SYT9: variants seen among roughly 807,000 people sequenced by gnomAD.
The protein encoded by SYT9 is synaptotagmin 9, also known as synaptotagmin-9.
Under a neutral mutation model 48.4 loss-of-function variants are expected in SYT9, and 22 were observed. That is an observed-to-expected ratio of 0.45 (90% CI 0.32 to 0.65). The LOEUF (loss-of-function observed/expected upper bound fraction) is 0.65, where lower values mean the gene tolerates loss of function less well. SYT9 is among the 30% of genes least tolerant of loss of function. The probability of loss-of-function intolerance (pLI) is 0.03; values close to 1 mark genes in which losing one functional copy is unlikely to be tolerated. For missense variants in SYT9, 577 were observed against 622.0 expected, an observed-to-expected ratio of 0.93 and a Z score of 0.77; for synonymous variants, 265 against 245.0, an observed-to-expected ratio of 1.08 and a Z score of -0.76.
At chr11:7,286,862 C>T (rs1848604889) in intron 1 of SYT9, among the ~76,000 whole-genome samples, 1 of 152,202 alleles carries the variant, frequency 6.6e-6, no homozygotes, top group Non-Finnish European at 1.5e-5. Context: ...GTCCACATCA[C>T]TATCAGCATT....
chr11:7,267,151 G>A (rs1350731874), intron 1 of SYT9, among the ~76,000 whole-genome samples: 1 of 151,930 alleles, frequency 6.6e-6, no homozygotes, highest in Non-Finnish European at 1.5e-5. Flanking sequence ...CATTAATGAA[G>A]CAATATGTGA....
intron 3 of SYT9, chr11:7,314,145 A>C: frequency 1.4e-6 from 1 of 708,958 alleles, no homozygotes; most frequent in Non-Finnish European, 2.5e-6. Context: ...TTCCATGAAA[A>C]CAATATTAAA....
intron 6 of SYT9, among the ~76,000 whole-genome samples, chr11:7,432,031 G>T (rs1298649031): frequency 2.6e-5 from 4 of 152,206 alleles, no homozygotes; most frequent in Non-Finnish European, 1.5e-5. Flanking sequence ...CTATGAGAAG[G>T]GGGCCACCAG....
intron 3 of SYT9, among the ~76,000 whole-genome samples, chr11:7,389,238 T>G (rs11041341): frequency 0.49 from 73,945 of 151,924 alleles, 18,856 homozygotes; most frequent in African/African-American, 0.55. Flanking sequence ...AGTGAATTAT[T>G]GAACCTGAGG....
At position 7,313,533 on chromosome 11, in the gene SYT9, C is replaced by T. The variant is rs548666564; in HGVS notation, c.636C>T (p.Asp212=). Residue 212 remains aspartate (D), a synonymous_variant, in exon 3 of 7, where the codon GAC becomes GAT. Coordinates refer to ENST00000318881, the MANE Select transcript of SYT9 (RefSeq NM_175733.4). Reference sequence around the variant, plus strand: ...AGCAGAGGTCATTGGATAATGATGACGGGAGACGGAGTAACAGCAAGGCTT... The same window carrying T: ...AGCAGAGGTCATTGGATAATGATGATGGGAGACGGAGTAACAGCAAGGCTT... ...LYKQRSLDND[D]GRRSNSKACG... The T allele has an allele frequency of 3.6e-5, 58 of 1,614,064 alleles. 1 individual carries two copies. Among genetic ancestry groups the T allele is most frequent in the Middle Eastern group, 1.6e-4 (1 of 6,062 alleles).
At chr11:7,386,373 G>A (rs2134053373) in intron 3 of SYT9, among the ~76,000 whole-genome samples, 1 of 151,794 alleles carries the variant, frequency 6.6e-6, no homozygotes, top group East Asian at 1.9e-4. Context: ...CTACAGAATG[G>A]GAGAAAATTT....
At chr11:7,323,513 G>A (rs1849374456) in intron 3 of SYT9, among the ~76,000 whole-genome samples, 1 of 151,608 alleles carries the variant, frequency 6.6e-6, no homozygotes. Context: ...AAATGCCAGT[G>A]GAGTAAACCT....
intron 6 of SYT9, among the ~76,000 whole-genome samples, chr11:7,459,111 G>T (rs1251213853): frequency 6.6e-6 from 1 of 152,222 alleles, no homozygotes; most frequent in Admixed American, 6.5e-5. Context: ...GTATGAGAGA[G>T]AAAAGTAAAG....
chr11:7,288,544 T>C (rs4758169), intron 1 of SYT9, among the ~76,000 whole-genome samples: 130,971 of 152,218 alleles, frequency 0.86, 56,536 homozygotes, highest in South Asian at 0.91. Context: ...AGGAAGGACC[T>C]CTGTCCTACT....
At chr11:7,366,116 C>T (rs1380492225) in intron 3 of SYT9, among the ~76,000 whole-genome samples, 3 of 152,208 alleles carry the variant, frequency 2.0e-5, no homozygotes, top group African/African-American at 4.8e-5. Context: ...TCCCATGATT[C>T]GTTGCTGCTC....
intron 3 of SYT9, among the ~76,000 whole-genome samples, chr11:7,381,416 C>T (rs575828122): frequency 5.5e-4 from 84 of 152,320 alleles, no homozygotes; most frequent in African/African-American, 1.6e-3. Context: ...GGACTGAGCT[C>T]TTTACATTTA....
At chr11:7,360,999 G>A (rs908402682) in intron 3 of SYT9, among the ~76,000 whole-genome samples, 4 of 151,996 alleles carry the variant, frequency 2.6e-5, no homozygotes, top group African/African-American at 9.7e-5. Flanking sequence ...GTTGGTCATA[G>A]TATTCTCTAA....
intron 1 of SYT9, among the ~76,000 whole-genome samples, chr11:7,244,987 C>G (rs188783852): frequency 2.4e-4 from 36 of 152,272 alleles, no homozygotes; most frequent in Admixed American, 8.5e-4. Context: ...GGATTTTGAC[C>G]AATTGCAGCA....
chr11:7,262,784 T>C (rs1848103796), intron 1 of SYT9, among the ~76,000 whole-genome samples: 1 of 152,228 alleles, frequency 6.6e-6, no homozygotes, highest in South Asian at 2.1e-4. Context: ...AAGAGCCTGA[T>C]TGGCATGGCT....
At chr11:7,459,379 A>G (rs896002084) in intron 6 of SYT9, among the ~76,000 whole-genome samples, 7 of 152,250 alleles carry the variant, frequency 4.6e-5, no homozygotes, top group Non-Finnish European at 7.3e-5. Context: ...GGGACATTCT[A>G]TTTAAAGGTA....
intron 3 of SYT9, among the ~76,000 whole-genome samples, chr11:7,317,826 C>T (rs567159031): frequency 6.6e-6 from 1 of 152,288 alleles, no homozygotes; most frequent in East Asian, 1.9e-4. Context: ...GTTTAACTAT[C>T]TCTATGAATA....
intron 3 of SYT9, among the ~76,000 whole-genome samples, chr11:7,319,192 C>CTTTTTTTTTT (rs71056795): frequency 8.1e-5 from 7 of 86,156 alleles, no homozygotes; most frequent in African/African-American, 2.2e-4. Context: ...TCTTCTTTTT[C>CTTTTTTTTTT]TTTTTTTTTT....
chr11:7,417,107 T>C (rs1192108751), intron 4 of SYT9, among the ~76,000 whole-genome samples: 2 of 151,838 alleles, frequency 1.3e-5, no homozygotes, highest in African/African-American at 4.8e-5. Flanking sequence ...CTGGCTTACA[T>C]CCTCTGAAAT....
intron 6 of SYT9, among the ~76,000 whole-genome samples, chr11:7,442,999 A>G (rs1847856751): frequency 6.6e-6 from 1 of 152,010 alleles, no homozygotes; most frequent in African/African-American, 2.4e-5. Flanking sequence ...AGAGAGAGAG[A>G]GATAATGAAT....
Sources: allele counts gnomAD v4.1 joint callset (sites outside exome capture counted in the v4.1 genomes callset), GRCh38; gene constraint gnomAD v4.1.1; transcripts MANE v1.5; gene names NCBI Gene and HGNC (gene_info 2026-07-23, HGNC 2026-07-21).